The following BSN variants were observed in gnomAD, a reference collection of about 807,000 sequenced individuals.
The protein encoded by BSN is protein bassoon.
Under a neutral mutation model 264.8 loss-of-function variants are expected in BSN, and 57 were observed. The observed-to-expected ratio is 0.22, with a 90% CI of 0.17 to 0.27. The LOEUF (loss-of-function observed/expected upper bound fraction) is 0.27. Among genes scored for constraint, BSN ranks in the 10% least tolerant of loss-of-function variants. The pLI is 1.00. For missense variants in BSN, 4,615 were observed against 5,232.5 expected (o/e 0.88, Z 3.64); for synonymous variants, 2,059 against 2,137.3 (o/e 0.96, Z 1.01).
Position 49,652,664 on chromosome 3 carries a change from C to T in BSN, c.3108C>T (p.Thr1036=). The change falls in exon 5 of 12, where the codon ACC becomes ACT. Residue 1036 remains threonine, a synonymous_variant. Transcript: ENST00000296452. ...GCTCCCACGGGCCCCTGCTACCCAC[C>T]ATCGAGGACTCCTCAGAGGAGGAGG... The part of the protein sequence containing the change: ...RHRSHGPLLP[T]IEDSSEEEEL... 6.2e-7 allele frequency: 1 copy of T among 1,601,170 alleles called. No homozygotes were observed. Among genetic ancestry groups the T allele is most frequent in the Non-Finnish European group, 8.5e-7 (1 of 1,173,892 alleles).
rs1377763587 is a variant in BSN at position 49,625,420 on chromosome 3, A to G, written c.633+37A>G. ...TGCGCCGGCTCCCCACTCACCTGCT[A>G]CCTCATTACCATACCTCCCCTGGTT... On this transcript the variant is annotated intron_variant, in intron 2 of 11. Transcript: ENST00000296452. This position sits in a 1 kb window ranked among gnomAD's most constrained non-coding sequence, Gnocchi z 4.4. The G allele has an allele frequency of 5.6e-6, 8 of 1,425,882 alleles. No homozygotes were observed. The highest frequency in any genetic ancestry group is 7.3e-6 in the Non-Finnish European group (8 of 1,091,622). The allele number at this position is 1,425,882 out of a possible 1,614,324, so 88.3% of individuals were successfully genotyped here. A position where few individuals can be genotyped will look rare whatever the true frequency, so the allele number is the denominator to read the frequency against.
chr3:49,655,394 C>CCCTGAGCCT lies in BSN; in HGVS notation c.5847_5855dup (p.Glu1951_Pro1953dup). ...GCAGCCCCTTCTATGGTCCCCGGGA[C>CCCTGAGCCT]CCTGAGCCTCCTGAGCCCCCAACCT... On this transcript the variant is annotated inframe_insertion, in exon 5 of 12. Transcript: ENST00000296452. 1.3e-6 allele frequency: 2 copies of CCCTGAGCCT among 1,575,660 alleles called. No individual in the cohort carries two copies. Among genetic ancestry groups the CCCTGAGCCT allele is most frequent in the African/African-American group, 1.3e-5 (1 of 74,222 alleles).
At chr3:49,569,362 A>T (rs2051779056) in intron 1 of BSN, among the ~76,000 whole-genome samples, 1 of 152,232 alleles carries the variant, frequency 6.6e-6, no homozygotes, top group Non-Finnish European at 1.5e-5. Flanking sequence ...AATCAAGTGC[A>T]TTCAATTAAA....
At position 49,651,196 on chromosome 3, in the gene BSN, A is replaced by T; in HGVS notation, c.1986+117A>T. On this transcript the variant is annotated intron_variant, in intron 4 of 11. Coordinates refer to ENST00000296452, the MANE Select transcript of BSN (RefSeq NM_003458.4). The surrounding 1 kb of genome is among the most constrained non-coding windows in gnomAD (Gnocchi z 5.4). ...CAGGACAGGTGCCTTGGGGCCACAC[A>T]GGAGGGAAGGGACACAGTAGAAGGA... is the stretch of plus-strand genomic sequence containing the variant. 9.9e-7 allele frequency: 1 copy of T among 1,013,902 alleles called. No homozygotes were observed. The highest frequency in any genetic ancestry group is 2.6e-5 in the East Asian group (1 of 38,166). 62.8% of individuals were successfully genotyped at this position (1,013,902 alleles called of 1,614,324 possible).
At chr3:49,594,083 C>G (rs138689563) in intron 1 of BSN, among the ~76,000 whole-genome samples, 11 of 152,164 alleles carry the variant, frequency 7.2e-5, no homozygotes, top group Non-Finnish European at 1.3e-4. Context: ...TGAGCCACCA[C>G]GCCCGGCCGC....
chr3:49,613,386 G>A (rs1297300404), intron 1 of BSN, among the ~76,000 whole-genome samples: 1 of 144,394 alleles, frequency 6.9e-6, no homozygotes, highest in African/African-American at 2.6e-5. Flanking sequence ...AATAATCAAC[G>A]ACAGAAAACA....
chr3:49,598,749 A>G (rs748645004), intron 1 of BSN, among the ~76,000 whole-genome samples: 1 of 152,228 alleles, frequency 6.6e-6, no homozygotes. Context: ...TGCTTTCCCC[A>G]TAAAACTGTG....
At chr3:49,593,752 G>A (rs1310534853) in intron 1 of BSN, among the ~76,000 whole-genome samples, 3 of 149,638 alleles carry the variant, frequency 2.0e-5, no homozygotes, top group African/African-American at 7.3e-5. Context: ...GAGTTTTGAG[G>A]GTTCTTTATA....
chr3:49,583,934 C>T (rs143311886), intron 1 of BSN, among the ~76,000 whole-genome samples: 16,305 of 152,078 alleles, frequency 0.11, 1,241 homozygotes, highest in South Asian at 0.15. Context: ...AGTGCAGTGG[C>T]GCGATCTCGG....
At chr3:49,631,703 G>A (rs1396711515) in intron 2 of BSN, among the ~76,000 whole-genome samples, 1 of 152,144 alleles carries the variant, frequency 6.6e-6, no homozygotes, top group Non-Finnish European at 1.5e-5. Flanking sequence ...AGGAGCAAAG[G>A]TCCAGGACAG....
intron 2 of BSN, chr3:49,640,439 A>G (rs1035747156): frequency 6.6e-6 from 1 of 152,338 alleles, no homozygotes; most frequent in East Asian, 1.9e-4. Flanking sequence ...AATAAGCACT[A>G]TGGAGAAAAT....
At chr3:49,594,890 A>AT (rs35658408) in intron 1 of BSN, among the ~76,000 whole-genome samples, 117,887 of 144,334 alleles carry the variant, frequency 0.82, 48,372 homozygotes, top group East Asian at 0.98. Flanking sequence ...AGATCCTACA[A>AT]TTTTTTTTTT....
At chr3:49,569,766 C>T (rs1455713723) in intron 1 of BSN, among the ~76,000 whole-genome samples, 1 of 152,224 alleles carries the variant, frequency 6.6e-6, no homozygotes, top group Non-Finnish European at 1.5e-5. Flanking sequence ...CCACCAGAGC[C>T]ACAGAGAAAA....
chr3:49,590,012 A>G (rs1246360385), intron 1 of BSN, among the ~76,000 whole-genome samples: 3 of 150,690 alleles, frequency 2.0e-5, no homozygotes, highest in Non-Finnish European at 3.0e-5. Flanking sequence ...TAATTTTTGT[A>G]TTTTTAGTAG....
At position 49,625,387 on chromosome 3, in the gene BSN, A is replaced by T. The variant is rs765813177; in HGVS notation, c.633+4A>T. ...CCCCAACCCTCATCTCACCCAGGTA[A>T]CCACTTCTGCGCCGGCTCCCCACTC... On this transcript the variant is annotated splice_donor_region_variant and intron_variant, in intron 2 of 11. Transcript: ENST00000296452. The surrounding 1 kb of genome is among the most constrained non-coding windows in gnomAD (Gnocchi z 4.4). 9 of 1,473,962 alleles carry T rather than the reference A, an allele frequency of 6.1e-6. No individual in the cohort carries two copies. In the South Asian group the frequency reaches 1.3e-4, roughly 21 times the overall value. 91.3% of individuals were successfully genotyped at this position (1,473,962 alleles called of 1,614,324 possible).
chr3:49,574,062 A>G (rs2051820613), intron 1 of BSN, among the ~76,000 whole-genome samples: 1 of 149,304 alleles, frequency 6.7e-6, no homozygotes, highest in Non-Finnish European at 1.5e-5. Flanking sequence ...CAATCCTCTC[A>G]CCTCATCCTC....
chr3:49,594,589 A>T (rs1439749121), intron 1 of BSN, among the ~76,000 whole-genome samples: 9 of 152,158 alleles, frequency 5.9e-5, no homozygotes, highest in Non-Finnish European at 1.0e-4. Context: ...GCTACACAGG[A>T]AGTCTTAAAT....
intron 1 of BSN, among the ~76,000 whole-genome samples, chr3:49,589,545 C>T (rs1410657920): frequency 5.7e-5 from 8 of 141,484 alleles, no homozygotes; most frequent in African/African-American, 1.8e-4. Flanking sequence ...CTCACTCTGT[C>T]GCCCAGGCTG....
intron 1 of BSN, among the ~76,000 whole-genome samples, chr3:49,561,395 G>T (rs2051710966): frequency 2.0e-5 from 3 of 152,242 alleles, no homozygotes; most frequent in Admixed American, 2.0e-4. Context: ...ACTGGCTTGT[G>T]TGGGGAGCCA....
Sources: gnomAD v4.1 joint callset for allele counts (sites outside exome capture counted in the v4.1 genomes callset) on GRCh38, gnomAD v4.1.1 for gene constraint, Gnocchi (gnomAD v3.1) non-coding constraint, MANE v1.5 for transcripts, NCBI Gene and HGNC (gene_info 2026-07-23, HGNC 2026-07-21) for gene names.